Variants in MUC5AC observed in about 807,000 individuals in gnomAD.
MUC5AC encodes mucin-5AC.
MUC5AC carries 158 observed loss-of-function variants against 169.7 expected under a neutral mutation model. The observed-to-expected ratio is 0.93, with a 90% CI of 0.82 to 1.06. MUC5AC has a LOEUF of 1.06. Among genes scored for constraint, MUC5AC ranks in the 50% least tolerant of loss-of-function variants. MUC5AC has a pLI of 0.00. For synonymous variants in MUC5AC, 1,975 were observed against 1,237.0 expected, an observed-to-expected ratio of 1.60 and a Z score of -12.52; for missense variants, 4,359 against 3,089.9, an observed-to-expected ratio of 1.41 and a Z score of -9.74.
chr11:1,197,387 G>A (rs28668687), intron 40 of MUC5AC, 81 bp from the exon 41 acceptor site: 385,032 of 675,644 alleles, frequency 0.57, 112,281 homozygotes, highest in East Asian at 0.65. Flanking sequence ...TGGCTGCCCC[G>A]GCACTGCATG....
intron 21 of MUC5AC, 100 bp from the exon 22 acceptor site, chr11:1,176,828 G>A (rs1403503698): frequency 2.8e-5 from 11 of 398,586 alleles, no homozygotes; most frequent in South Asian, 1.3e-4. Context: ...CCCAGTGGGC[G>A]CGTGTCTATG....
chr11:1,167,801 C>A, intron 11 of MUC5AC, 76 bp from the exon 12 acceptor site: 2 of 1,252,972 alleles, frequency 1.6e-6, no homozygotes, highest in Non-Finnish European at 1.1e-6. Flanking sequence ...AGGAGCACAG[C>A]CGGGTGGACT....
chr11:1,187,958 C>A lies in MUC5AC; in HGVS notation c.9813C>A (p.Cys3271Ter). ...RRPEEITRLQ[C>*]RAESHPEVSI... ...CTGAGGAGATCACCAGGCTCCAGTG[C>A]CGAGCCGAGAGCCACCCGGAGGTGA... Residue 3271 changes from cysteine to a stop codon, truncating the protein, a stop_gained, in exon 31 of 49, where the codon TGC becomes TGA. Coordinates refer to ENST00000621226, the MANE Select transcript of MUC5AC (RefSeq NM_001304359.2). LOFTEE classifies it high-confidence loss of function. 1 of 755,496 alleles carries A rather than the reference C, an allele frequency of 1.3e-6. No homozygotes were observed. Among genetic ancestry groups the A allele is most frequent in the East Asian group, 2.4e-5 (1 of 41,226 alleles). 46.8% of individuals were successfully genotyped at this position (755,496 alleles called of 1,614,324 possible).
intron 35 of MUC5AC, 37 bp downstream of exon 35, chr11:1,194,707 C>T (rs751593353): frequency 4.2e-6 from 3 of 718,948 alleles, no homozygotes; most frequent in African/African-American, 1.7e-5. Context: ...GTCTGGCATT[C>T]GCGGGGGCGG....
rs1016175496 is a variant in MUC5AC, at chr11:1,165,304, A to G, written c.1132A>G (p.Thr378Ala). Residue 378 changes from threonine to alanine, a missense_variant and splice_region_variant, in exon 10 of 49, where the codon ACG becomes GCG. Thr to Ala is a moderately conservative substitution (Grantham distance 58). Transcript: ENST00000621226. Reference sequence around the variant, plus strand: ...ATAGGCCTGCCTGACCCCTGCAGGGACGGTGCTTGACGACATCGGCCAGAC... The same window carrying G: ...ATAGGCCTGCCTGACCCCTGCAGGGGCGGTGCTTGACGACATCGGCCAGAC... ...CVAGCFCPEG[T>A]VLDDIGQTGC... is the part of the protein sequence containing the mutation. 2.5e-6 allele frequency: 4 copies of G among 1,611,296 alleles called. No homozygotes were observed. The African/African-American group carries it at 4.0e-5, about 16-fold the overall frequency.
At chr11:1,195,835 C>T (rs374275477) in intron 36 of MUC5AC, 41 bp from the exon 37 acceptor site, 96 of 750,864 alleles carry the variant, frequency 1.3e-4, no homozygotes, top group Non-Finnish European at 2.1e-4. Flanking sequence ...GGCAGGTGGC[C>T]GGAGAGGCTG....
intron 38 of MUC5AC, 35 bp downstream of exon 38, chr11:1,196,510 G>T: frequency 2.6e-6 from 2 of 764,724 alleles, no homozygotes; most frequent in Non-Finnish European, 4.8e-6. Context: ...GCCATGGGCT[G>T]CTGGAGCCAC....
intron 15 of MUC5AC, among the ~76,000 whole-genome samples, chr11:1,171,942 T>TCAC (rs1554926400): frequency 1.1e-4 from 9 of 85,686 alleles, no homozygotes; most frequent in African/African-American, 5.2e-4. Context: ...CATCCACTCA[T>TCAC]TCACTCACTC....
Position 1,198,271 on chromosome 11 carries a change from G to A in MUC5AC, c.16139G>A (p.Trp5380Ter). The A allele has an allele frequency of 1.3e-6, 1 of 754,844 alleles. No homozygotes were observed. The highest frequency in any genetic ancestry group is 2.4e-6 in the Non-Finnish European group (1 of 413,484). The allele number at this position is 754,844 out of a possible 1,614,324, so 46.8% of individuals were successfully genotyped here. A position where few individuals can be genotyped will look rare whatever the true frequency, so the allele number is the denominator to read the frequency against. ...GACCPVQNCSWTVCSINGTLY... is the reference protein window; with the variant it reads ...GACCPVQNCS ...CTGCTTGTCTTCTCGTGGGCAGGCT[G>A]GACAGTGTGCAGCATCAACGGGACC... Residue 5380 changes from tryptophan to a stop codon, truncating the protein, a stop_gained, in exon 43 of 49, where the codon TGG (tryptophan) becomes TAG (stop). Transcript: ENST00000621226. LOFTEE classifies it high-confidence loss of function.
chr11:1,158,755 G>A (rs577628851), intron 1 of MUC5AC, among the ~76,000 whole-genome samples: 2 of 152,280 alleles, frequency 1.3e-5, no homozygotes, highest in African/African-American at 4.8e-5. Context: ...TTGGAGGGGG[G>A]TGGGTGCTCC....
At position 1,188,410 on chromosome 11, in the gene MUC5AC, C is replaced by G; in HGVS notation, c.10265C>G (p.Thr3422Arg). The stretch of plus-strand genomic sequence containing the variant: ...ACAACCTCGGCTCCTACAAGCAGCA[C>G]AATCTCTGCTCGTACAACCAGCATA... ...SSTTSAPTSS[T>R]ISARTTSIIS... The change falls in exon 31 of 49, where the codon ACA becomes AGA. Residue 3422 changes from threonine (T) to arginine (R), a missense_variant. By Grantham distance (71) the Thr-to-Arg change is moderately conservative (BLOSUM62 -1). Coordinates refer to ENST00000621226, the MANE Select transcript of MUC5AC (RefSeq NM_001304359.2). 1.6e-6 allele frequency: 1 copy of G among 631,276 alleles called. No individual in the cohort carries two copies. Among genetic ancestry groups the G allele is most frequent in the East Asian group, 2.7e-5 (1 of 37,046 alleles). 39.1% of individuals were successfully genotyped at this position (631,276 alleles called of 1,614,324 possible).
chr11:1,172,828 A>T (rs969334864), intron 16 of MUC5AC, among the ~76,000 whole-genome samples: 3 of 147,880 alleles, frequency 2.0e-5, no homozygotes, highest in Admixed American at 6.7e-5. Context: ...CCACTCACCC[A>T]TTCACTCACT....
chr11:1,187,805 A>T lies in MUC5AC; in HGVS notation c.9660A>T (p.Arg3220Ser), dbSNP rs1860990802. The T allele has an allele frequency of 2.6e-6, 2 of 764,994 alleles. No individual in the cohort carries two copies. Among genetic ancestry groups the T allele is most frequent in the Admixed American group, 1.7e-5 (1 of 59,020 alleles). 47.4% of individuals were successfully genotyped at this position (764,994 alleles called of 1,614,324 possible). The change falls in exon 31 of 49, where the codon AGA becomes AGT. Residue 3220 changes from arginine to serine, a missense_variant. Transcript: ENST00000621226. ...SKTTHSQPVTRDCHLRCTWTK... is the reference protein window; with the variant it reads ...SKTTHSQPVTSDCHLRCTWTK... ...CAACCCACTCCCAACCAGTCACCAG[A>T]GACTGTCATCTCCGGTGCACCTGGA...
rs1166593975 is a variant in MUC5AC, at chr11:1,199,439, G to A, written c.16464G>A (p.Gly5488=). 1.4e-6 allele frequency: 1 copy of A among 730,824 alleles called. No homozygotes were observed. The highest frequency in any genetic ancestry group is 2.5e-6 in the Non-Finnish European group (1 of 400,760). The allele number at this position is 730,824 out of a possible 1,614,324, so 45.3% of individuals were successfully genotyped here. A position where few individuals can be genotyped will look rare whatever the true frequency, so the allele number is the denominator to read the frequency against. Residue 5488 remains glycine, a synonymous_variant, in exon 46 of 49, where the codon GGG becomes GGA. Coordinates refer to ENST00000621226, the MANE Select transcript of MUC5AC (RefSeq NM_001304359.2). The part of the protein sequence containing the change: ...VTHQCEKHQD[G]LVVVTTKKAC... ...ACCAGTGTGAGAAGCACCAGGATGG[G>A]CTCGTGGTGGTCACCACGAAGAAGG...
rs778688668 is a variant in MUC5AC at position 1,192,510 on chromosome 11, C to G, written c.14365C>G (p.Arg4789Gly). The G allele has an allele frequency of 2.6e-6, 2 of 764,850 alleles. No individual in the cohort carries two copies. Among genetic ancestry groups the G allele is most frequent in the Admixed American group, 1.7e-5 (1 of 59,028 alleles). The allele number at this position is 764,850 out of a possible 1,614,324, so 47.4% of individuals were successfully genotyped here. A position where few individuals can be genotyped will look rare whatever the true frequency, so the allele number is the denominator to read the frequency against. ...AACCTGCTTCTGCAACGTGGCTGAC[C>G]GGCTCTACCCTGCAGGTTCGTGAGT... ...TQTCFCNVAD[R>G]LYPAGSTIYR... Residue 4789 changes from arginine (R) to glycine (G), a missense_variant, in exon 31 of 49, where the codon CGG (arginine) becomes GGG (glycine). Arg to Gly is a moderately radical substitution (Grantham distance 125, BLOSUM62 -2). Coordinates refer to ENST00000621226, the MANE Select transcript of MUC5AC (RefSeq NM_001304359.2).
chr11:1,194,566 A>T lies in MUC5AC; in HGVS notation c.15086A>T (p.Tyr5029Phe), dbSNP rs1254833748. Residue 5029 changes from tyrosine to phenylalanine, a missense_variant, in exon 35 of 49, where the codon TAC becomes TTC. By Grantham distance (22) the Tyr-to-Phe change is conservative. Transcript: ENST00000621226. The stretch of plus-strand genomic sequence containing the variant: ...GTCTCGCGCATCGGCGTCAAGATGT[A>T]CGCGACCATCCCGGAGCTGGGAGTC... ...IVVSRIGVKM[Y>F]ATIPELGVQV... 5 of 764,328 alleles carry T rather than the reference A, an allele frequency of 6.5e-6. No homozygotes were observed. In the East Asian group the frequency reaches 1.2e-4, roughly 19 times the overall value. 47.3% of individuals were successfully genotyped at this position (764,328 alleles called of 1,614,324 possible). A position where few individuals can be genotyped will look rare whatever the true frequency, so the allele number is the denominator to read the frequency against.
intron 19 of MUC5AC, among the ~76,000 whole-genome samples, chr11:1,175,800 C>CCACTCATGCACACA (rs1554926826): frequency 3.8e-4 from 13 of 34,146 alleles, no homozygotes; most frequent in East Asian, 0.013. Context: ...GCACTCACAC[C>CCACTCATGCACACA]CACCCACTCA....
intron 9 of MUC5AC, among the ~76,000 whole-genome samples, chr11:1,164,894 C>T (rs28662022): frequency 7.4e-4 from 72 of 97,740 alleles, no homozygotes; most frequent in Admixed American, 1.6e-3. Context: ...GCCCCTGTCC[C>T]GGGCCCCTGA....
Position 1,178,802 on chromosome 11 carries a change from C to T in MUC5AC, c.3327+119C>T, listed in dbSNP as rs930273303. 3 of 490,060 alleles carry T rather than the reference C, an allele frequency of 6.1e-6. No individual in the cohort carries two copies. In the South Asian group the frequency reaches 2.6e-4, roughly 43 times the overall value. The allele number at this position is 490,060 out of a possible 1,614,324, so 30.4% of individuals were successfully genotyped here. ...AGCTGCCAACCAAGGGTGTGGGCTG[C>T]TGGGACTGGCGCTGGTATGGACTCG... On this transcript the variant is annotated intron_variant, in intron 25 of 48. Transcript: ENST00000621226.
Sources: gnomAD v4.1 joint callset for allele counts (sites outside exome capture counted in the v4.1 genomes callset) on GRCh38, gnomAD v4.1.1 for gene constraint, MANE v1.5 for transcripts, NCBI Gene and HGNC (gene_info 2026-07-23, HGNC 2026-07-21) for gene names.